The following SLC68A1 variants were observed in gnomAD, a reference collection of about 807,000 sequenced individuals.
SLC68A1 encodes solute carrier family 68 member 1.
At chr10:102,476,328 A>T in the SLC68A1 span, 1 of 289,954 alleles carries the variant, frequency 3.4e-6, no homozygotes, top group Non-Finnish European at 5.4e-6. Context: ...TCGGCCTCCC[A>T]GAGTGCTGGG....
the SLC68A1 span, chr10:102,469,138 T>G: frequency 6.2e-7 from 1 of 1,614,168 alleles, no homozygotes. Context: ...CCTGCTCTAC[T>G]ATGTGGACAC....
chr10:102,464,543 G>A, the SLC68A1 span, among the ~76,000 whole-genome samples: 7 of 151,468 alleles, frequency 4.6e-5, no homozygotes, highest in African/African-American at 7.3e-5. Flanking sequence ...TGTAATCCCA[G>A]CAGTTTGGGA....
At chr10:102,471,410 C>T in the SLC68A1 span, 23 of 1,605,718 alleles carry the variant, frequency 1.4e-5, no homozygotes, top group African/African-American at 4.0e-5. Context: ...TGGGGAGCAG[C>T]TCCCGGCCCC....
chr10:102,466,482 C>CAAAA, the SLC68A1 span, among the ~76,000 whole-genome samples: 2 of 100,806 alleles, frequency 2.0e-5, no homozygotes, highest in African/African-American at 4.1e-5. Flanking sequence ...GACTCCACCT[C>CAAAA]AAAAAAAAAA....
the SLC68A1 span, chr10:102,473,776 A>G: frequency 6.2e-7 from 1 of 1,606,966 alleles, no homozygotes; most frequent in Non-Finnish European, 8.5e-7. Flanking sequence ...CAACACCTCC[A>G]TCCCATGCCT....
At chr10:102,464,674 C>T in the SLC68A1 span, among the ~76,000 whole-genome samples, 1 of 150,694 alleles carries the variant, frequency 6.6e-6, no homozygotes, top group African/African-American at 2.4e-5. Flanking sequence ...CCTGTAATCC[C>T]AGCTACTCGG....
chr10:102,463,369 C>T, the SLC68A1 span, among the ~76,000 whole-genome samples: 2 of 152,134 alleles, frequency 1.3e-5, no homozygotes, highest in Non-Finnish European at 2.9e-5. Context: ...GAGGAGGTTT[C>T]ATCGTGTTAG....
At chr10:102,469,276 T>G in the SLC68A1 span, 1 of 1,448,794 alleles carries the variant, frequency 6.9e-7, no homozygotes, top group Admixed American at 1.7e-5. Flanking sequence ...CTGGGCAGAT[T>G]GCAGGTGCCT....
At chr10:102,473,762 C>CCCGCAACA in the SLC68A1 span, 1 of 1,608,884 alleles carries the variant, frequency 6.2e-7, no homozygotes, top group Non-Finnish European at 8.5e-7. Context: ...GCCCACGCTC[C>CCCGCAACA]CCGCAACACC....
chr10:102,474,732 C>T, the SLC68A1 span, among the ~76,000 whole-genome samples: 1 of 152,076 alleles, frequency 6.6e-6, no homozygotes, highest in Non-Finnish European at 1.5e-5. Flanking sequence ...ACTGCAGCCT[C>T]GACCTCCCAG....
the SLC68A1 span, chr10:102,468,271 C>G: frequency 6.6e-6 from 1 of 152,190 alleles, no homozygotes; most frequent in East Asian, 1.9e-4. Context: ...TAACAATCTC[C>G]TTTTACCTTT....
the SLC68A1 span, chr10:102,469,946 G>A: frequency 3.1e-6 from 5 of 1,599,870 alleles, no homozygotes; most frequent in African/African-American, 5.4e-5. Flanking sequence ...GAGCCCTGGA[G>A]AGGATGCTGT....
the SLC68A1 span, chr10:102,476,222 C>G: frequency 1.9e-6 from 1 of 539,526 alleles, no homozygotes; most frequent in Non-Finnish European, 2.8e-6. Flanking sequence ...AGCGTGCCAC[C>G]ATGCCCGGCT....
At chr10:102,476,720 A>T in the SLC68A1 span, 1 of 986,150 alleles carries the variant, frequency 1.0e-6, no homozygotes, top group South Asian at 4.7e-5. Flanking sequence ...CCAAGAAGGG[A>T]GGGGGCTGCC....
chr10:102,476,029 G>A, the SLC68A1 span: 1 of 1,400,542 alleles, frequency 7.1e-7, no homozygotes, highest in Non-Finnish European at 9.3e-7. Flanking sequence ...CTGGCAGCCT[G>A]GGGAAGGAGC....
the SLC68A1 span, chr10:102,470,950 A>G: frequency 6.2e-7 from 1 of 1,613,340 alleles, no homozygotes; most frequent in South Asian, 1.1e-5. Context: ...CTGTCTTTGC[A>G]TCCTATGCCT....
the SLC68A1 span, chr10:102,471,043 C>T: frequency 1.2e-6 from 2 of 1,613,744 alleles, no homozygotes; most frequent in Admixed American, 1.7e-5. Context: ...TTCTGGGGGC[C>T]ACACAGCTGC....
At chr10:102,469,334 CTCA>C in the SLC68A1 span, 3 of 821,372 alleles carry the variant, frequency 3.7e-6, no homozygotes, top group South Asian at 4.8e-5. Flanking sequence ...TTCACCAAGA[CTCA>C]TCAAGAAAAG....
the SLC68A1 span, chr10:102,471,432 G>T: frequency 6.3e-7 from 1 of 1,598,102 alleles, no homozygotes; most frequent in South Asian, 1.1e-5. Flanking sequence ...CTACAGCTGG[G>T]CTGGACTTCA....
Sources: allele counts gnomAD v4.1 joint callset (sites outside exome capture counted in the v4.1 genomes callset), GRCh38; gene constraint gnomAD v4.1.1; transcripts MANE v1.5; gene names NCBI Gene and HGNC (gene_info 2026-07-23, HGNC 2026-07-21).